The following DHX35 variants were observed in gnomAD, a reference collection of about 807,000 sequenced individuals.
DHX35 encodes probable ATP-dependent RNA helicase DHX35.
A neutral mutation model predicts 99.6 loss-of-function variants in DHX35; 84 were observed. The observed-to-expected ratio is 0.84, with a 90% CI of 0.71 to 1.01. The LOEUF (loss-of-function observed/expected upper bound fraction) is 1.01. DHX35 is among the 50% of genes least tolerant of loss of function. DHX35 has a pLI of 0.00. For synonymous variants in DHX35, 331 were observed against 316.2 expected (o/e 1.05, Z -0.50); for missense variants, 852 against 888.5 (o/e 0.96, Z 0.52).
chr20:38,971,867 G>A (rs1365194735), intron 2 of DHX35, among the ~76,000 whole-genome samples: 2 of 151,730 alleles, frequency 1.3e-5, no homozygotes, highest in African/African-American at 4.8e-5. Context: ...CCAAACTTTT[G>A]TTGATCAACA....
chr20:39,007,721 G>A (rs979122140), intron 12 of DHX35, among the ~76,000 whole-genome samples: 2 of 152,154 alleles, frequency 1.3e-5, no homozygotes, highest in Non-Finnish European at 2.9e-5. Flanking sequence ...AAGGAAGTGG[G>A]TTTGGAACAT....
chr20:38,982,596 C>T, intron 3 of DHX35, among the ~76,000 whole-genome samples: 1 of 152,194 alleles, frequency 6.6e-6, no homozygotes, highest in East Asian at 1.9e-4. Flanking sequence ...CTATTGAGAG[C>T]ATTGACACGC....
chr20:39,005,937 T>C lies in DHX35; in HGVS notation c.1012-209T>C, dbSNP rs141926860. Among the ~76,000 whole-genome samples, 693 of 152,010 alleles carry C rather than the reference T, an allele frequency of 4.6e-3. 5 individuals carry two copies. The highest frequency in any genetic ancestry group is 0.015 in the African/African-American group (636 of 41,420). The stretch of plus-strand genomic sequence containing the variant: ...TAGATGAGGAAACAGGTTCAGGAGG[T>C]TGAGTAACTTGTCCAGGGTCACATG... On this transcript the variant is annotated intron_variant, in intron 11 of 21. Transcript: ENST00000252011.
chr20:39,035,448 C>G (rs2087134465), intron 21 of DHX35, among the ~76,000 whole-genome samples: 1 of 152,206 alleles, frequency 6.6e-6, no homozygotes, highest in African/African-American at 2.4e-5. Context: ...CCCAAGTTTA[C>G]TGTTGTTTAC....
chr20:39,015,313 A>G (rs566742633), intron 14 of DHX35, among the ~76,000 whole-genome samples: 1 of 152,216 alleles, frequency 6.6e-6, no homozygotes, highest in South Asian at 2.1e-4. Context: ...TTCTCTCCCT[A>G]AATCCTCTTC....
At chr20:39,014,983 T>C (rs1268991547) in intron 14 of DHX35, 49 bp downstream of exon 14, 4 of 1,604,912 alleles carry the variant, frequency 2.5e-6, no homozygotes, top group Non-Finnish European at 3.4e-6. Context: ...TTGTCTTTTG[T>C]GATATTAGTG....
At chr20:39,010,083 A>G (rs562669413) in intron 12 of DHX35, among the ~76,000 whole-genome samples, 197 bp from the exon 13 acceptor site, 4 of 152,314 alleles carry the variant, frequency 2.6e-5, no homozygotes, top group South Asian at 2.1e-4. Flanking sequence ...ATTCAAATAT[A>G]TTTATCTAAG....
intron 8 of DHX35, among the ~76,000 whole-genome samples, chr20:39,000,237 CT>C (rs765350446): frequency 1.3e-5 from 2 of 152,228 alleles, no homozygotes; most frequent in Non-Finnish European, 2.9e-5. Flanking sequence ...TAGTTCTTAA[CT>C]TTTCCTTCTA....
intron 16 of DHX35, among the ~76,000 whole-genome samples, chr20:39,022,805 C>T (rs1439588278): frequency 6.6e-6 from 1 of 152,138 alleles, no homozygotes; most frequent in African/African-American, 2.4e-5. Flanking sequence ...ACTGGAAAGA[C>T]GGAAGGACAA....
At chr20:38,979,218 A>G (rs567601191) in intron 3 of DHX35, among the ~76,000 whole-genome samples, 2 of 152,104 alleles carry the variant, frequency 1.3e-5, no homozygotes, top group East Asian at 1.9e-4. Flanking sequence ...CCAATCCCCA[A>G]TTGATAGACA....
At chr20:38,981,173 C>G (rs551921473) in intron 3 of DHX35, among the ~76,000 whole-genome samples, 15 of 152,250 alleles carry the variant, frequency 9.9e-5, no homozygotes, top group African/African-American at 3.4e-4. Flanking sequence ...CTGTCTTTCC[C>G]TTTTTAGTTG....
intron 11 of DHX35, among the ~76,000 whole-genome samples, chr20:39,005,668 G>A (rs991237547): frequency 5.3e-5 from 8 of 152,162 alleles, no homozygotes; most frequent in African/African-American, 1.7e-4. Context: ...TGGCAGAGCA[G>A]GGGCCTTGTC....
At chr20:38,991,278 C>G (rs1000846336) in intron 5 of DHX35, among the ~76,000 whole-genome samples, 176 bp from the exon 6 acceptor site, 5 of 152,166 alleles carry the variant, frequency 3.3e-5, no homozygotes, top group African/African-American at 1.2e-4. Context: ...TGTTTAAAGC[C>G]TTTTGTGAAC....
intron 15 of DHX35, 129 bp downstream of exon 15, chr20:39,019,028 C>T (rs1464415219): frequency 1.3e-6 from 1 of 790,674 alleles, no homozygotes; most frequent in Non-Finnish European, 2.0e-6. Context: ...TGTAACATAA[C>T]ATTTATTGTT....
chr20:39,029,045 A>G (rs1359621962), intron 19 of DHX35: 3 of 153,430 alleles, frequency 2.0e-5, no homozygotes, highest in Non-Finnish European at 4.4e-5. Context: ...TCTTTACTAT[A>G]TTCAAATGCA....
chr20:38,978,520 G>T, intron 3 of DHX35: 1 of 359,290 alleles, frequency 2.8e-6, no homozygotes, highest in African/African-American at 2.1e-5. Flanking sequence ...ACACCCTTTT[G>T]CTCATTTTAA....
intron 12 of DHX35, 89 bp downstream of exon 12, chr20:39,006,445 A>G: frequency 1.4e-6 from 2 of 1,418,128 alleles, no homozygotes; most frequent in East Asian, 2.3e-5. Context: ...TAATGGTAGA[A>G]CTTAACATAA....
chr20:39,017,133 A>G (rs921326071), intron 14 of DHX35, among the ~76,000 whole-genome samples: 17 of 152,146 alleles, frequency 1.1e-4, no homozygotes, highest in African/African-American at 3.6e-4. Context: ...AGTCATTAAG[A>G]TATTCTCCTA....
In DHX35 at chr20:39,010,373, T is replaced by C; in HGVS notation, c.1316T>C (p.Ile439Thr). 3.7e-6 allele frequency: 6 copies of C among 1,614,194 alleles called. No individual in the cohort carries two copies. The highest frequency in any genetic ancestry group is 5.1e-6 in the Non-Finnish European group (6 of 1,180,008). The stretch of plus-strand genomic sequence containing the variant: ...ATCCTGCAGCTGAAAGCACTAGGAA[T>C]TGACAATGTCCTCAGGTTCCACTTC... ...PVILQLKALG[I>T]DNVLRFHFMS... Residue 439 changes from isoleucine (I) to threonine (T), a missense_variant, in exon 13 of 22, where the codon ATT becomes ACT. By Grantham distance (89) the Ile-to-Thr change is moderately conservative. Coordinates refer to ENST00000252011, the MANE Select transcript of DHX35 (RefSeq NM_021931.4).
Sources: allele counts gnomAD v4.1 joint callset (sites outside exome capture counted in the v4.1 genomes callset), GRCh38; gene constraint gnomAD v4.1.1; transcripts MANE v1.5; gene names NCBI Gene and HGNC (gene_info 2026-07-23, HGNC 2026-07-21).